SGPL1: variants seen among roughly 807,000 people sequenced by gnomAD.
The protein encoded by SGPL1 is SP-lyase 1.
In SGPL1, 37 loss-of-function variants were observed where a neutral mutation model predicts 68.9. The observed-to-expected ratio is 0.54, with a 90% confidence interval of 0.41 to 0.71. SGPL1 has a LOEUF of 0.71. Among genes scored for constraint, SGPL1 ranks in the 30% least tolerant of loss-of-function variants. The pLI, the probability that SGPL1 is intolerant of heterozygous loss-of-function variation, is 0.00. For missense variants in SGPL1, 551 were observed against 704.6 expected, an observed-to-expected ratio of 0.78 and a Z score of 2.47; for synonymous variants, 236 against 248.5, an observed-to-expected ratio of 0.95 and a Z score of 0.47.
intron 2 of SGPL1, among the ~76,000 whole-genome samples, chr10:70,833,625 C>G (rs1156783290): frequency 1.3e-5 from 2 of 152,178 alleles, no homozygotes; most frequent in Non-Finnish European, 2.9e-5. Flanking sequence ...GAAAGAAAAT[C>G]AGATTAAATT....
chr10:70,824,363 T>G (rs1845394060), intron 2 of SGPL1, among the ~76,000 whole-genome samples: 1 of 152,212 alleles, frequency 6.6e-6, no homozygotes, highest in South Asian at 2.1e-4. Flanking sequence ...GCATCATGTA[T>G]GCTTGTTTGA....
intron 2 of SGPL1, among the ~76,000 whole-genome samples, chr10:70,826,059 TAATC>T (rs199576194): frequency 0.07 from 10,598 of 152,042 alleles, 475 homozygotes; most frequent in African/African-American, 0.1. Context: ...TGGGTGCCTG[TAATC>T]AATCCCAGCT....
chr10:70,831,571 G>A (rs1479143794), intron 2 of SGPL1, among the ~76,000 whole-genome samples: 1 of 152,176 alleles, frequency 6.6e-6, no homozygotes, highest in East Asian at 1.9e-4. Flanking sequence ...TACTGCAAAG[G>A]TTACAAATGA....
Position 70,816,795 on chromosome 10 carries a change from T to C in SGPL1, c.-43-16T>C. The C allele has an allele frequency of 1.9e-6, 3 of 1,573,370 alleles. No individual in the cohort carries two copies. Among genetic ancestry groups the C allele is most frequent in the South Asian group, 2.2e-5 (2 of 90,130 alleles). On this transcript the variant is annotated splice_polypyrimidine_tract_variant and intron_variant, in intron 1 of 14. Coordinates refer to ENST00000373202, the MANE Select transcript of SGPL1 (RefSeq NM_003901.4). The stretch of plus-strand genomic sequence containing the variant: ...TTAAAGCTCTAGAAGTAAACAAACC[T>C]GGTTCCCTTTTACAGAGTCTGAAAA...
chr10:70,844,288 G>A (rs962541391), intron 2 of SGPL1, among the ~76,000 whole-genome samples, 185 bp from the exon 3 acceptor site: 2 of 152,172 alleles, frequency 1.3e-5, no homozygotes, highest in African/African-American at 4.8e-5. Context: ...AGTGGCAGTG[G>A]AGTGCTGCTG....
intron 2 of SGPL1, among the ~76,000 whole-genome samples, chr10:70,818,114 GT>G (rs895482228): frequency 9.2e-5 from 14 of 151,940 alleles, no homozygotes; most frequent in African/African-American, 3.1e-4. Flanking sequence ...GTTTCGTTTT[GT>G]TTTGTTTTGT....
rs1845923852 is a variant in SGPL1 at position 70,853,928 on chromosome 10, T to C, written c.262-780T>C. 3.9e-5 allele frequency among the ~76,000 whole-genome samples: 6 copies of C among 152,212 alleles called. 1 individual carries two copies. In the South Asian group the frequency reaches 1.2e-3, roughly 32 times the overall value. On this transcript the variant is annotated intron_variant, in intron 4 of 14. Coordinates refer to ENST00000373202, the MANE Select transcript of SGPL1 (RefSeq NM_003901.4). The stretch of plus-strand genomic sequence containing the variant: ...CCTAGTGTGCTGCGTGTATGTCTGT[T>C]GAAGGAGCTCATCACTTGCACAAGG...
intron 7 of SGPL1, among the ~76,000 whole-genome samples, chr10:70,862,777 C>T (rs1589469094): frequency 6.6e-6 from 1 of 152,066 alleles, no homozygotes; most frequent in South Asian, 2.1e-4. Context: ...GGAAGAAATT[C>T]CGGACACATC....
intron 5 of SGPL1, among the ~76,000 whole-genome samples, chr10:70,855,468 T>G (rs1845949702): frequency 6.6e-6 from 1 of 152,228 alleles, no homozygotes; most frequent in Non-Finnish European, 1.5e-5. Flanking sequence ...GTTTGCCACT[T>G]AAAGTATGCC....
At position 70,871,129 on chromosome 10, in the gene SGPL1, G is replaced by A. The variant is rs778791984; in HGVS notation, c.892G>A (p.Val298Ile). ...PQFPHGVIDPVPEVAKLAVKY... is the reference protein window; with the variant it reads ...PQFPHGVIDPIPEVAKLAVKY... ...GTTTCCTCATGGTGTAATAGATCCT[G>A]TCCCTGAAGTGGCCAAGGTATATGA... Residue 298 changes from valine to isoleucine, a missense_variant, in exon 10 of 15, where the codon GTC (valine) becomes ATC (isoleucine). Val to Ile is a conservative substitution (Grantham distance 29, BLOSUM62 3). Coordinates refer to ENST00000373202, the MANE Select transcript of SGPL1 (RefSeq NM_003901.4). The A allele has an allele frequency of 2.5e-6, 4 of 1,612,008 alleles. No homozygotes were observed. The highest frequency in any genetic ancestry group is 3.4e-6 in the Non-Finnish European group (4 of 1,178,784).
At chr10:70,860,553 C>T (rs1846035608) in intron 7 of SGPL1, 3 of 423,262 alleles carry the variant, frequency 7.1e-6, no homozygotes, top group Admixed American at 3.1e-5. Flanking sequence ...CAGCAGTTTC[C>T]CTTAGAGTAC....
intron 4 of SGPL1, 45 bp downstream of exon 4, chr10:70,851,255 A>C (rs1415791037): frequency 9.7e-6 from 14 of 1,438,774 alleles, no homozygotes; most frequent in Non-Finnish European, 1.2e-5. Context: ...CTTGATAATC[A>C]TACCTCTTTC....
chr10:70,867,217 G>A (rs1174192933), intron 7 of SGPL1, among the ~76,000 whole-genome samples: 1 of 152,094 alleles, frequency 6.6e-6, no homozygotes, highest in Non-Finnish European at 1.5e-5. Context: ...TAGCCAGGTG[G>A]CTATGACATG....
Position 70,844,634 on chromosome 10 carries a change from A to G in SGPL1, c.189A>G (p.Pro63=), listed in dbSNP as rs776635952. 7 of 1,613,784 alleles carry G rather than the reference A, an allele frequency of 4.3e-6. No homozygotes were observed. The East Asian group carries it at 1.6e-4, about 36-fold the overall frequency. ...IVWGYEFVFQ[P]ESLWSRFKKK... ...GGGGATATGAGTTTGTCTTCCAGCC[A>G]GAGAGTAAGTATGCTGTCTCCTCTG... Residue 63 remains proline, a synonymous_variant, in exon 3 of 15, where the codon CCA becomes CCG. Transcript: ENST00000373202.
chr10:70,838,119 T>C (rs1475954680), intron 2 of SGPL1, among the ~76,000 whole-genome samples: 1 of 152,212 alleles, frequency 6.6e-6, no homozygotes, highest in Admixed American at 6.5e-5. Flanking sequence ...TAACAGGTAG[T>C]TAGCCCTGTT....
At chr10:70,861,757 GCC>G (rs1277924746) in intron 7 of SGPL1, among the ~76,000 whole-genome samples, 1 of 152,346 alleles carries the variant, frequency 6.6e-6, no homozygotes, top group Non-Finnish European at 1.5e-5. Flanking sequence ...GGCCCTGCCG[GCC>G]CCGGGCAATG....
rs11299555 is a variant in SGPL1 at position 70,846,388 on chromosome 10, TAA to T, written c.193+1759_193+1760del. On this transcript the variant is annotated intron_variant, in intron 3 of 14. Transcript: ENST00000373202. Reference sequence around the variant, plus strand: ...TTCTTTTTATTTTTTAACTTTTCATTAAAAAAAAAATCAGTCTCTGCTTATCC... The same window carrying T: ...TTCTTTTTATTTTTTAACTTTTCATTAAAAAAAATCAGTCTCTGCTTATCC... 9.4e-4 allele frequency among the ~76,000 whole-genome samples: 143 copies of T among 151,752 alleles called. 2 individuals are homozygous for T. The highest frequency in any genetic ancestry group is 3.4e-3 in the Middle Eastern group (1 of 294).
chr10:70,860,231 T>C (rs1846028152), intron 7 of SGPL1, among the ~76,000 whole-genome samples: 1 of 152,218 alleles, frequency 6.6e-6, no homozygotes, highest in Non-Finnish European at 1.5e-5. Flanking sequence ...TCTCAGGTTA[T>C]GTAGGATAGA....
At chr10:70,829,981 G>A (rs992411602) in intron 2 of SGPL1, among the ~76,000 whole-genome samples, 4 of 152,166 alleles carry the variant, frequency 2.6e-5, no homozygotes, top group Admixed American at 6.5e-5. Context: ...CTTTAGGCAA[G>A]TTATTCTTAG....
Sources: gnomAD v4.1 joint callset for allele counts (sites outside exome capture counted in the v4.1 genomes callset) on GRCh38, gnomAD v4.1.1 for gene constraint, MANE v1.5 for transcripts, NCBI Gene and HGNC (gene_info 2026-07-23, HGNC 2026-07-21) for gene names.